The following TDRD12 variants were observed in gnomAD, a reference collection of about 807,000 sequenced individuals.
TDRD12 encodes the protein tudor domain containing 12.
A neutral mutation model predicts 133.5 loss-of-function variants in TDRD12; 158 were observed. The observed-to-expected ratio is 1.18, with a 90% CI of 1.04 to 1.35. TDRD12 has a LOEUF of 1.35. Ranked by LOEUF, TDRD12 falls within the 40% of genes most tolerant of loss-of-function variation. TDRD12 has a pLI of 0.00. For missense variants in TDRD12, 1,443 were observed against 1,321.3 expected (o/e 1.09, Z -1.43); for synonymous variants, 460 against 477.9 (o/e 0.96, Z 0.49).
At chr19:32,725,562 A>G (rs866022275) in intron 1 of TDRD12, among the ~76,000 whole-genome samples, 14 of 151,976 alleles carry the variant, frequency 9.2e-5, no homozygotes, top group South Asian at 2.1e-4. Context: ...CTATTCTGTT[A>G]CATTGGTCTA....
At chr19:32,819,578 G>GC (rs1196650020) in intron 27 of TDRD12, among the ~76,000 whole-genome samples, 1 of 152,144 alleles carries the variant, frequency 6.6e-6, no homozygotes. Flanking sequence ...GGCTCCCACA[G>GC]CCCCCTTTCC....
At chr19:32,722,201 C>A (rs1419945580) in intron 1 of TDRD12, among the ~76,000 whole-genome samples, 1 of 152,194 alleles carries the variant, frequency 6.6e-6, no homozygotes, top group African/African-American at 2.4e-5. Flanking sequence ...TCAGTCCTAA[C>A]GATGCTAGTC....
chr19:32,723,067 AATGG>A (rs1418734705), intron 1 of TDRD12, among the ~76,000 whole-genome samples: 6 of 152,130 alleles, frequency 3.9e-5, no homozygotes, highest in Non-Finnish European at 8.8e-5. Flanking sequence ...TGGTGCAAGG[AATGG>A]ATGAAGTTTC....
At position 32,772,859 on chromosome 19, in the gene TDRD12, T is replaced by C. The variant is rs1428728088; in HGVS notation, c.963+9T>C. 1 of 1,394,146 alleles carries C rather than the reference T, an allele frequency of 7.2e-7. No individual in the cohort carries two copies. The highest frequency in any genetic ancestry group is 9.5e-7 in the Non-Finnish European group (1 of 1,052,824). 86.4% of individuals were successfully genotyped at this position (1,394,146 alleles called of 1,614,324 possible). A position where few individuals can be genotyped will look rare whatever the true frequency, so the allele number is the denominator to read the frequency against. ...TAAAAGATACAAATAAGGTTGTATT[T>C]TAAAAATGTTCTTTAAATACAAAGT... On this transcript the variant is annotated intron_variant, in intron 9 of 27. Transcript: ENST00000444215.
chr19:32,764,196 C>T (rs1018443560), intron 8 of TDRD12, among the ~76,000 whole-genome samples: 1 of 142,218 alleles, frequency 7.0e-6, no homozygotes, highest in Non-Finnish European at 1.5e-5. Context: ...CTGCAAGCTC[C>T]GCCTCCCAGG....
chr19:32,806,495 A>G (rs959369184), intron 21 of TDRD12, among the ~76,000 whole-genome samples: 1 of 150,892 alleles, frequency 6.6e-6, no homozygotes, highest in African/African-American at 2.4e-5. Context: ...GGCGTGAACC[A>G]CCACACCTGG....
Position 32,774,752 on chromosome 19 carries a change from G to A in TDRD12, c.1040+1220G>A, listed in dbSNP as rs536808807. Among the ~76,000 whole-genome samples, 7 of 152,196 alleles carry A rather than the reference G, an allele frequency of 4.6e-5. 1 individual carries two copies. Among genetic ancestry groups the A allele is most frequent in the African/African-American group, 1.7e-4 (7 of 41,534 alleles). On this transcript the variant is annotated intron_variant, in intron 10 of 27. Coordinates refer to ENST00000444215, the Ensembl canonical transcript of TDRD12. ...TCCTAGCACTTTGGGAGGCCAAGGT[G>A]GGCAGACCTCACCCGAGGTCAGGAG...
In TDRD12 at chr19:32,722,481, C is replaced by G. The variant is rs150858646; in HGVS notation, c.24+2385C>G. On this transcript the variant is annotated intron_variant, in intron 1 of 27. Transcript: ENST00000444215. ...AAGTGCTGTGTAGGTACCACCTGTC[C>G]TGCAGATGAAGTTAGCTTTTACAAG... is the stretch of plus-strand genomic sequence containing the variant. Among the ~76,000 whole-genome samples, 129 of 152,180 alleles carry G rather than the reference C, an allele frequency of 8.5e-4. 2 individuals are homozygous for G. The highest frequency in any genetic ancestry group is 4.6e-3 in the South Asian group (22 of 4,826).
chr19:32,735,449 A>T (rs1403344413), intron 2 of TDRD12, among the ~76,000 whole-genome samples: 3 of 152,196 alleles, frequency 2.0e-5, no homozygotes, highest in Admixed American at 2.0e-4. Flanking sequence ...AGCTGCAGGG[A>T]AAAAATGTGA....
At chr19:32,727,351 A>ATATTCTGGGTATTAATCCCT (rs1968894055) in intron 1 of TDRD12, among the ~76,000 whole-genome samples, 1 of 152,128 alleles carries the variant, frequency 6.6e-6, no homozygotes, top group African/African-American at 2.4e-5. Flanking sequence ...AGTTCTCTGT[A>ATATTCTGGGTATTAATCCCT]TATTCTGGGT....
chr19:32,810,848 T>A (rs1164224494), intron 23 of TDRD12, among the ~76,000 whole-genome samples: 1 of 152,032 alleles, frequency 6.6e-6, no homozygotes, highest in Non-Finnish European at 1.5e-5. Flanking sequence ...GCTATGATCA[T>A]GCCACTGCAC....
chr19:32,760,120 C>G (rs142741010), intron 8 of TDRD12, among the ~76,000 whole-genome samples: 3,393 of 152,302 alleles, frequency 0.022, 53 homozygotes, highest in Middle Eastern at 0.044. Flanking sequence ...TTAATTATTG[C>G]GTGGCTTTCC....
At chr19:32,734,444 C>T (rs1395399670) in intron 2 of TDRD12, among the ~76,000 whole-genome samples, 1 of 151,394 alleles carries the variant, frequency 6.6e-6, no homozygotes, top group Non-Finnish European at 1.5e-5. Context: ...TATCTCGGCT[C>T]ACTGCAACCT....
At chr19:32,751,313 A>G (rs1049114578) in intron 6 of TDRD12, among the ~76,000 whole-genome samples, 31 of 151,994 alleles carry the variant, frequency 2.0e-4, no homozygotes, top group African/African-American at 7.5e-4. Flanking sequence ...ATGGTATTCC[A>G]TGGTGTGTAT....
At chr19:32,773,567 G>T (rs186527993) in intron 10 of TDRD12, 35 bp downstream of exon 10, 2 of 1,538,798 alleles carry the variant, frequency 1.3e-6, no homozygotes, top group Admixed American at 2.0e-5. Flanking sequence ...GTGTGGTGGC[G>T]CCTGCCTGTA....
chr19:32,826,803 G>A, intron 9 of TDRD12, 54 bp downstream of exon 32: 1 of 1,102,158 alleles, frequency 9.1e-7, no homozygotes. Flanking sequence ...AGGGCAGTGA[G>A]GGACACCATC....
At chr19:32,750,702 C>T (rs2145520206) in intron 6 of TDRD12, among the ~76,000 whole-genome samples, 1 of 152,362 alleles carries the variant, frequency 6.6e-6, no homozygotes, top group East Asian at 1.9e-4. Context: ...TCCTTCCCCT[C>T]CTCTGGCCTG....
chr19:32,807,488 G>T, intron 21 of TDRD12, 61 bp from the exon 22 acceptor site: 4 of 1,219,518 alleles, frequency 3.3e-6, no homozygotes, highest in Non-Finnish European at 4.4e-6. Context: ...TGAAGAAAGC[G>T]TTAAAATTCA....
chr19:32,775,062 G>C (rs1176830756), intron 10 of TDRD12, among the ~76,000 whole-genome samples: 1 of 151,104 alleles, frequency 6.6e-6, no homozygotes, highest in Non-Finnish European at 1.5e-5. Flanking sequence ...AATGTTCTTT[G>C]TTTGTAGCTT....
Sources: allele counts gnomAD v4.1 joint callset (sites outside exome capture counted in the v4.1 genomes callset), GRCh38; gene constraint gnomAD v4.1.1; transcripts MANE v1.5; gene names NCBI Gene and HGNC (gene_info 2026-07-23, HGNC 2026-07-21).